The following ARHGAP26 variants were observed in gnomAD, a reference collection of about 807,000 sequenced individuals.
ARHGAP26 encodes rho GTPase-activating protein 26.
In ARHGAP26, 38 loss-of-function variants were observed where a neutral mutation model predicts 104.8. The observed-to-expected ratio is 0.36, with a 90% CI of 0.28 to 0.48. The LOEUF (loss-of-function observed/expected upper bound fraction) is 0.48, where lower values mean the gene tolerates loss of function less well. ARHGAP26 is among the 20% of genes least tolerant of loss of function. The pLI is 0.99. For missense variants in ARHGAP26, 704 were observed against 947.9 expected, an observed-to-expected ratio of 0.74 and a Z score of 3.38; for synonymous variants, 341 against 340.0, an observed-to-expected ratio of 1.00 and a Z score of -0.03.
chr5:142,814,153 G>C (rs982895132), intron 1 of ARHGAP26, among the ~76,000 whole-genome samples: 1 of 152,238 alleles, frequency 6.6e-6, no homozygotes, highest in Non-Finnish European at 1.5e-5. Flanking sequence ...TGAGAAAGAG[G>C]AGTAGGAATA....
At chr5:143,185,851 C>A (rs1429807489) in intron 20 of ARHGAP26, among the ~76,000 whole-genome samples, 1 of 152,228 alleles carries the variant, frequency 6.6e-6, no homozygotes, top group Non-Finnish European at 1.5e-5. Context: ...CAGCCACACT[C>A]TGCCTGCACT....
chr5:143,161,901 G>GA (rs1165645942), intron 20 of ARHGAP26, among the ~76,000 whole-genome samples: 1 of 152,112 alleles, frequency 6.6e-6, no homozygotes, highest in Non-Finnish European at 1.5e-5. Flanking sequence ...CCACTGTATT[G>GA]AAAACCTTCA....
At chr5:143,058,638 C>T (rs956336532) in intron 17 of ARHGAP26, among the ~76,000 whole-genome samples, 1 of 152,216 alleles carries the variant, frequency 6.6e-6, no homozygotes, top group African/African-American at 2.4e-5. Flanking sequence ...ATAAATTTGG[C>T]CCTTATAGTC....
chr5:143,063,545 G>C (rs775910425), intron 17 of ARHGAP26, among the ~76,000 whole-genome samples: 1 of 152,208 alleles, frequency 6.6e-6, no homozygotes, highest in African/African-American at 2.4e-5. Context: ...GTTTCATCTT[G>C]TGTCTGTTTC....
At chr5:142,941,872 T>C (rs1195925637) in intron 11 of ARHGAP26, among the ~76,000 whole-genome samples, 2 of 152,244 alleles carry the variant, frequency 1.3e-5, no homozygotes, top group Admixed American at 6.5e-5. Context: ...TTATGACTTA[T>C]ATATGTTGGT....
chr5:143,123,823 T>G (rs982079886), intron 18 of ARHGAP26, among the ~76,000 whole-genome samples: 4 of 152,196 alleles, frequency 2.6e-5, no homozygotes, highest in African/African-American at 9.7e-5. Context: ...ACCACTGCAC[T>G]CCAACCTGGG....
At chr5:142,977,306 T>G (rs1163217934) in intron 11 of ARHGAP26, among the ~76,000 whole-genome samples, 1 of 152,172 alleles carries the variant, frequency 6.6e-6, no homozygotes, top group Non-Finnish European at 1.5e-5. Context: ...TCCTTGAGAT[T>G]ATGGTTCCTT....
At chr5:142,773,100 A>G (rs1755576898) in intron 1 of ARHGAP26, among the ~76,000 whole-genome samples, 1 of 152,156 alleles carries the variant, frequency 6.6e-6, no homozygotes, top group African/African-American at 2.4e-5. Context: ...CTAAAAATAG[A>G]GGGTGGAGTC....
chr5:143,062,182 A>G (rs952632986), intron 17 of ARHGAP26, among the ~76,000 whole-genome samples: 1 of 152,256 alleles, frequency 6.6e-6, no homozygotes, highest in Non-Finnish European at 1.5e-5. Context: ...CAATTTTTGT[A>G]GGAGAGATGA....
chr5:142,774,588 T>C (rs747373482), intron 1 of ARHGAP26, among the ~76,000 whole-genome samples: 4 of 152,194 alleles, frequency 2.6e-5, no homozygotes, highest in Non-Finnish European at 4.4e-5. Flanking sequence ...ATAACATTAT[T>C]AACTAAAGTC....
chr5:143,202,853 T>C (rs1388506074), intron 20 of ARHGAP26: 1 of 152,168 alleles, frequency 6.6e-6, no homozygotes, highest in African/African-American at 2.4e-5. Flanking sequence ...TAAATGCTGT[T>C]GGGAAAATTG....
chr5:143,084,465 C>G (rs1282762943), intron 17 of ARHGAP26, among the ~76,000 whole-genome samples: 1 of 152,180 alleles, frequency 6.6e-6, no homozygotes, highest in Non-Finnish European at 1.5e-5. Flanking sequence ...TATGGGAAAT[C>G]TGGCAGAAGA....
chr5:142,900,869 C>T (rs956021693), intron 6 of ARHGAP26, among the ~76,000 whole-genome samples: 1 of 152,012 alleles, frequency 6.6e-6, no homozygotes, highest in Non-Finnish European at 1.5e-5. Flanking sequence ...AGAGTGGACC[C>T]CTCAGAAAAT....
At chr5:143,005,486 G>A (rs889428939) in intron 11 of ARHGAP26, among the ~76,000 whole-genome samples, 6 of 152,240 alleles carry the variant, frequency 3.9e-5, no homozygotes, top group Admixed American at 1.3e-4. Flanking sequence ...AGATGGAGTT[G>A]GGATCAGCCC....
At chr5:143,046,755 A>G (rs922439216) in intron 14 of ARHGAP26, among the ~76,000 whole-genome samples, 11 of 152,332 alleles carry the variant, frequency 7.2e-5, no homozygotes, top group South Asian at 4.1e-4. Flanking sequence ...GTGTATGTCT[A>G]TCTCTCTTCC....
chr5:142,807,060 A>G (rs1763120871), intron 1 of ARHGAP26, among the ~76,000 whole-genome samples: 1 of 152,190 alleles, frequency 6.6e-6, no homozygotes, highest in South Asian at 2.1e-4. Context: ...ACATGATCCT[A>G]CAGTACACAT....
At chr5:142,950,945 ACCTTTCCCTTTC>A (rs376988920) in intron 11 of ARHGAP26, among the ~76,000 whole-genome samples, 1 of 151,576 alleles carries the variant, frequency 6.6e-6, no homozygotes, top group African/African-American at 2.4e-5. Context: ...TGAGAATAAG[ACCTTTCCCTTTC>A]CCTTTCCCTT....
rs999234967 is a variant in ARHGAP26 at position 142,778,446 on chromosome 5, G to GT, written c.154+7538dup. ...ATTTTTTCTTGTCCTTTTTCTGCGT[G>GT]TTTTTTTCATAAATGGGATTATACT... On this transcript the variant is annotated intron_variant, in intron 1 of 22. Coordinates refer to ENST00000645722, the MANE Select transcript of ARHGAP26 (RefSeq NM_001135608.3). 2.0e-5 allele frequency among the ~76,000 whole-genome samples: 3 copies of GT among 152,090 alleles called. No individual in the cohort carries two copies. In the East Asian group the frequency reaches 5.8e-4, roughly 29 times the overall value.
intron 1 of ARHGAP26, among the ~76,000 whole-genome samples, chr5:142,776,169 TTTG>T (rs1468262472): frequency 6.6e-6 from 1 of 152,168 alleles, no homozygotes; most frequent in Non-Finnish European, 1.5e-5. Flanking sequence ...GGGGTCTCAC[TTTG>T]TTGTTGCCCA....
Sources: gnomAD v4.1 joint callset for allele counts (sites outside exome capture counted in the v4.1 genomes callset) on GRCh38, gnomAD v4.1.1 for gene constraint, MANE v1.5 for transcripts, NCBI Gene and HGNC (gene_info 2026-07-23, HGNC 2026-07-21) for gene names.